EML6: variants seen among roughly 807,000 people sequenced by gnomAD.
The protein encoded by EML6 is echinoderm microtubule-associated protein-like 6.
A neutral mutation model predicts 240.1 loss-of-function variants in EML6; 154 were observed. The ratio of observed to expected loss-of-function variants is 0.64; its 90% CI spans 0.56 to 0.73. The LOEUF (loss-of-function observed/expected upper bound fraction) is 0.73. Ranked by LOEUF, EML6 falls within the 30% of genes least tolerant of loss-of-function variation. EML6 has a pLI of 0.00. For missense variants in EML6, 2,964 were observed against 2,474.6 expected (o/e 1.20, Z -4.20); for synonymous variants, 1,148 against 899.0 (o/e 1.28, Z -4.95).
rs575621987 is a variant in EML6, at chr2:54,961,184, G to GTTTTTTTTT, written c.4968+861_4968+869dup. ...GGAGCCTGGAAGTTATCAGGAAGTA[G>GTTTTTTTTT]TTTTTTTTTTTTTTTTTTTGAGACG... On this transcript the variant is annotated intron_variant, in intron 35 of 41. Transcript: ENST00000356458. 1.1e-3 allele frequency among the ~76,000 whole-genome samples: 60 copies of GTTTTTTTTT among 55,356 alleles called. 4 individuals are homozygous for GTTTTTTTTT. The highest frequency in any genetic ancestry group is 5.1e-3 in the East Asian group (8 of 1,566). The allele number at this position is 55,356 out of a possible 152,430, so 36.3% of individuals were successfully genotyped here.
intron 26 of EML6, among the ~76,000 whole-genome samples, chr2:54,919,944 A>G (rs1458046471): frequency 6.6e-6 from 1 of 152,218 alleles, no homozygotes; most frequent in East Asian, 1.9e-4. Flanking sequence ...TCTTCTGTGT[A>G]TGCTTTTTTC....
chr2:54,847,744 A>AGTATTC, intron 9 of EML6, 121 bp downstream of exon 9: 21 of 866,610 alleles, frequency 2.4e-5, no homozygotes, highest in South Asian at 2.1e-4. Context: ...AAATAGGAAT[A>AGTATTC]CTATAGATCT....
chr2:54,806,347 T>C (rs1439278572), intron 2 of EML6, among the ~76,000 whole-genome samples: 1 of 152,036 alleles, frequency 6.6e-6, no homozygotes, highest in Non-Finnish European at 1.5e-5. Flanking sequence ...GCGCGGTGGC[T>C]CACACTTGTA....
rs374543797 is a variant in EML6 at position 54,952,433 on chromosome 2, G to A, written c.4214-161G>A. Among the ~76,000 whole-genome samples the A allele has an allele frequency of 5.9e-5, 9 of 152,224 alleles. No homozygotes were observed. The East Asian group carries it at 1.7e-3, about 29-fold the overall frequency. ...CAGAATATGAACATTCCAAAAAAAC[G>A]ACCCTTCATCTCCCCAAGTGTGATT... On this transcript the variant is annotated intron_variant, in intron 30 of 41. Coordinates refer to ENST00000356458, the MANE Select transcript of EML6 (RefSeq NM_001039753.4).
chr2:54,801,315 A>G (rs1323211739), intron 2 of EML6, among the ~76,000 whole-genome samples: 1 of 144,196 alleles, frequency 6.9e-6, no homozygotes, highest in African/African-American at 2.5e-5. Context: ...ACTCTGTCTC[A>G]AAAGAAAAAA....
rs1210089020 is a variant in EML6, at chr2:54,928,283, T to C, written c.3676-30T>C. The C allele has an allele frequency of 3.9e-6, 6 of 1,520,704 alleles. No individual in the cohort carries two copies. The Admixed American group carries it at 1.2e-4, about 30-fold the overall frequency. 94.2% of individuals were successfully genotyped at this position (1,520,704 alleles called of 1,614,324 possible). On this transcript the variant is annotated intron_variant, in intron 26 of 41. Transcript: ENST00000356458. ...GCCCAGAGAAAGGAATAACAGTGGCTGGGGTAATAACCAATTTCGGGCTTT... is the reference window on the plus strand; with the variant it reads ...GCCCAGAGAAAGGAATAACAGTGGCCGGGGTAATAACCAATTTCGGGCTTT...
intron 2 of EML6, among the ~76,000 whole-genome samples, chr2:54,768,496 G>A (rs1668281196): frequency 6.6e-6 from 1 of 152,146 alleles, no homozygotes; most frequent in African/African-American, 2.4e-5. Context: ...AAGAACACTT[G>A]TAAACAGTTT....
chr2:54,945,424 A>G (rs533495201), intron 28 of EML6, among the ~76,000 whole-genome samples: 2 of 151,972 alleles, frequency 1.3e-5, no homozygotes, highest in Non-Finnish European at 2.9e-5. Context: ...TCTGATGAAC[A>G]CGACTCAAAA....
rs1677024146 is a variant in EML6, at chr2:54,971,741, C to T, written c.*1646C>T. ...ATGTCTGCCTATCTTGTACTAGACTCTTCATGCTGATCGGATCTTGCATTG... is the reference window on the plus strand; with the variant it reads ...ATGTCTGCCTATCTTGTACTAGACTTTTCATGCTGATCGGATCTTGCATTG... On this transcript the variant is annotated 3_prime_UTR_variant, in exon 42 of 42. Transcript: ENST00000356458. 1 of 152,188 alleles carries T rather than the reference C, an allele frequency of 6.6e-6. No individual in the cohort carries two copies. The highest frequency in any genetic ancestry group is 1.5e-5 in the Non-Finnish European group (1 of 68,040). 9.4% of individuals were successfully genotyped at this position (152,188 alleles called of 1,614,324 possible). A position where few individuals can be genotyped will look rare whatever the true frequency, so the allele number is the denominator to read the frequency against.
At chr2:54,905,805 CT>C (rs1288864764) in intron 24 of EML6, among the ~76,000 whole-genome samples, 10 of 152,192 alleles carry the variant, frequency 6.6e-5, no homozygotes, top group African/African-American at 2.4e-4. Context: ...CTATAATGGG[CT>C]TATTCCACTT....
intron 9 of EML6, among the ~76,000 whole-genome samples, chr2:54,848,247 C>G (rs1454090641): frequency 4.6e-5 from 7 of 152,156 alleles, no homozygotes; most frequent in Non-Finnish European, 7.4e-5. Flanking sequence ...TGTAATTCCT[C>G]TGAATGCATT....
intron 3 of EML6, 89 bp from the exon 4 acceptor site, chr2:54,816,698 C>T: frequency 9.6e-7 from 1 of 1,043,392 alleles, no homozygotes; most frequent in Non-Finnish European, 1.5e-6. Context: ...AATTCAATGC[C>T]TAACCCATAG....
chr2:54,871,268 C>T (rs1671241939), intron 15 of EML6, among the ~76,000 whole-genome samples: 3 of 152,214 alleles, frequency 2.0e-5, no homozygotes, highest in Admixed American at 2.0e-4. Flanking sequence ...GCCCAGGCAT[C>T]AGGTTAGGCT....
chr2:54,897,923 A>G (rs756811978), intron 21 of EML6, among the ~76,000 whole-genome samples: 3 of 152,166 alleles, frequency 2.0e-5, no homozygotes, highest in African/African-American at 4.8e-5. Flanking sequence ...AAGGAACTGT[A>G]GAGGCAGTGT....
chr2:54,887,882 C>T (rs143589933), intron 17 of EML6, among the ~76,000 whole-genome samples: 1,930 of 152,332 alleles, frequency 0.013, 26 homozygotes, highest in Middle Eastern at 0.024. Flanking sequence ...CTAGACGGTA[C>T]ATTTGTTACA....
intron 21 of EML6, among the ~76,000 whole-genome samples, chr2:54,896,611 G>A (rs949935032): frequency 1.3e-5 from 2 of 152,132 alleles, no homozygotes; most frequent in Admixed American, 1.3e-4. Context: ...AGAAGTTGGA[G>A]AGAAAAGAAA....
intron 22 of EML6, among the ~76,000 whole-genome samples, chr2:54,902,020 A>G (rs1673081660): frequency 6.6e-6 from 1 of 152,198 alleles, no homozygotes; most frequent in South Asian, 2.1e-4. Flanking sequence ...GAATGTTCAG[A>G]TTCCATTCTT....
chr2:54,955,120 T>C (rs1676171319), intron 32 of EML6, among the ~76,000 whole-genome samples: 1 of 152,246 alleles, frequency 6.6e-6, no homozygotes, highest in South Asian at 2.1e-4. Context: ...ACATGATCTA[T>C]AATGTTTCTA....
At chr2:54,807,715 C>T (rs188218224) in intron 2 of EML6, among the ~76,000 whole-genome samples, 2 of 152,132 alleles carry the variant, frequency 1.3e-5, no homozygotes, top group African/African-American at 4.8e-5. Context: ...AAGTGACGAG[C>T]TTTCAGTATG....
Sources: allele counts gnomAD v4.1 joint callset (sites outside exome capture counted in the v4.1 genomes callset), GRCh38; gene constraint gnomAD v4.1.1; transcripts MANE v1.5; gene names NCBI Gene and HGNC (gene_info 2026-07-23, HGNC 2026-07-21).